Variants in MAPK8 observed in about 807,000 individuals in gnomAD.
MAPK8 encodes the protein JUN N-terminal kinase.
Under a neutral mutation model 52.9 loss-of-function variants are expected in MAPK8, and 13 were observed. The ratio of observed to expected loss-of-function variants is 0.25; its 90% CI spans 0.16 to 0.39. The LOEUF (loss-of-function observed/expected upper bound fraction) is 0.39, where lower values mean the gene tolerates loss of function less well. Ranked by LOEUF, MAPK8 falls within the 10% of genes least tolerant of loss-of-function variation. The probability of loss-of-function intolerance (pLI) is 1.00; values close to 1 mark genes in which losing one functional copy is unlikely to be tolerated. For synonymous variants in MAPK8, 191 were observed against 169.8 expected (o/e 1.12, Z -0.97); for missense variants, 300 against 519.2 (o/e 0.58, Z 4.10).
rs73293173 is a variant in MAPK8, at chr10:48,325,330, C to T, written c.-50+18509C>T. Among the ~76,000 whole-genome samples, 455 of 152,276 alleles carry T rather than the reference C, an allele frequency of 3.0e-3. 4 individuals carry two copies. The highest frequency in any genetic ancestry group is 0.011 in the African/African-American group (443 of 41,550). The stretch of plus-strand genomic sequence containing the variant: ...CAACTGGGATTGAACTACAGTTCTT[C>T]CTAACAAGATGAGATAAATGTTTAT... On this transcript the variant is annotated intron_variant, in intron 1 of 11. Transcript: ENST00000374189.
At chr10:48,422,678 A>G (rs1308221089) in intron 6 of MAPK8, among the ~76,000 whole-genome samples, 1 of 152,184 alleles carries the variant, frequency 6.6e-6, no homozygotes, top group Non-Finnish European at 1.5e-5. Flanking sequence ...AACCTTAGAA[A>G]AAATTTTTCT....
intron 1 of MAPK8, among the ~76,000 whole-genome samples, chr10:48,352,686 C>T (rs976655645): frequency 2.0e-5 from 3 of 152,080 alleles, no homozygotes; most frequent in Non-Finnish European, 4.4e-5. Flanking sequence ...GAATGCTTTC[C>T]CCTTATGATT....
chr10:48,365,074 C>G (rs1290814888), intron 1 of MAPK8, among the ~76,000 whole-genome samples: 2 of 151,996 alleles, frequency 1.3e-5, no homozygotes, highest in Non-Finnish European at 2.9e-5. Context: ...ACATTATTTA[C>G]AATATTATAA....
intron 1 of MAPK8, among the ~76,000 whole-genome samples, chr10:48,327,972 C>T (rs950411882): frequency 1.3e-5 from 2 of 152,000 alleles, no homozygotes; most frequent in Non-Finnish European, 2.9e-5. Context: ...TAATGATGAC[C>T]CCTCTTCCAT....
intron 1 of MAPK8, among the ~76,000 whole-genome samples, chr10:48,361,795 C>G (rs1291198258): frequency 6.6e-6 from 1 of 152,150 alleles, no homozygotes; most frequent in African/African-American, 2.4e-5. Flanking sequence ...TAGTCTGCAT[C>G]TTTCTTCTTA....
intron 1 of MAPK8, among the ~76,000 whole-genome samples, chr10:48,322,424 T>C (rs912963507): frequency 6.6e-6 from 1 of 152,228 alleles, no homozygotes; most frequent in Non-Finnish European, 1.5e-5. Flanking sequence ...TGATGCTATC[T>C]CCTTCTAGAG....
chr10:48,354,113 C>T (rs1819708463), intron 1 of MAPK8, among the ~76,000 whole-genome samples: 3 of 152,034 alleles, frequency 2.0e-5, no homozygotes, highest in Non-Finnish European at 4.4e-5. Flanking sequence ...ACCTCTTTTG[C>T]TATCTTTGGA....
chr10:48,319,500 A>AT (rs1434658251), intron 1 of MAPK8, among the ~76,000 whole-genome samples: 1 of 151,390 alleles, frequency 6.6e-6, no homozygotes, highest in Non-Finnish European at 1.5e-5. Context: ...TCTCTTTTTT[A>AT]TTTTTTTGAG....
At chr10:48,347,571 C>T (rs994361369) in intron 1 of MAPK8, among the ~76,000 whole-genome samples, 2 of 152,106 alleles carry the variant, frequency 1.3e-5, no homozygotes, top group African/African-American at 2.4e-5. Context: ...CAACAGGCCC[C>T]GGTGTGTGAT....
chr10:48,383,298 C>T (rs189746666), intron 1 of MAPK8, among the ~76,000 whole-genome samples: 1 of 152,206 alleles, frequency 6.6e-6, no homozygotes, highest in Admixed American at 6.5e-5. Flanking sequence ...TGCAAATCCA[C>T]ATTTTTGCTT....
intron 1 of MAPK8, among the ~76,000 whole-genome samples, chr10:48,398,839 A>T (rs2042016444): frequency 1.3e-5 from 2 of 152,146 alleles, no homozygotes; most frequent in South Asian, 4.1e-4. Flanking sequence ...GGTTGCTAGG[A>T]GTTGGGGGGC....
At chr10:48,335,958 A>G (rs998549272) in intron 1 of MAPK8, among the ~76,000 whole-genome samples, 6 of 152,190 alleles carry the variant, frequency 3.9e-5, no homozygotes, top group Non-Finnish European at 8.8e-5. Flanking sequence ...AACATCATGT[A>G]TTAGTCATTT....
At chr10:48,359,372 A>G (rs778196597) in intron 1 of MAPK8, among the ~76,000 whole-genome samples, 1 of 152,044 alleles carries the variant, frequency 6.6e-6, no homozygotes, top group Non-Finnish European at 1.5e-5. Flanking sequence ...ATTCGGATAC[A>G]TTTAGTTTTG....
chr10:48,421,083 G>T (rs920159347), intron 6 of MAPK8, among the ~76,000 whole-genome samples: 1 of 152,174 alleles, frequency 6.6e-6, no homozygotes, highest in Non-Finnish European at 1.5e-5. Context: ...TTTAAAAAAT[G>T]TGGTGACTTC....
chr10:48,324,008 A>T (rs1408846996), intron 1 of MAPK8, among the ~76,000 whole-genome samples: 1 of 152,196 alleles, frequency 6.6e-6, no homozygotes, highest in African/African-American at 2.4e-5. Context: ...TTTTAAAGTG[A>T]CTTCATTCTC....
chr10:48,400,323 T>C (rs2042097239), intron 1 of MAPK8, among the ~76,000 whole-genome samples: 2 of 152,218 alleles, frequency 1.3e-5, no homozygotes, highest in African/African-American at 4.8e-5. Flanking sequence ...TCCTCATTTG[T>C]TTCTAGTTTA....
intron 5 of MAPK8, among the ~76,000 whole-genome samples, chr10:48,412,041 T>C (rs2042783510): frequency 6.6e-6 from 1 of 152,214 alleles, no homozygotes; most frequent in African/African-American, 2.4e-5. Flanking sequence ...AGACAGAGTT[T>C]CACCATGTTG....
intron 1 of MAPK8, among the ~76,000 whole-genome samples, chr10:48,391,398 C>T (rs550221215): frequency 6.6e-6 from 1 of 152,266 alleles, no homozygotes; most frequent in African/African-American, 2.4e-5. Context: ...AATGAGTCAT[C>T]AGAAACCATG....
chr10:48,433,027 C>T (rs1415686104), intron 11 of MAPK8, among the ~76,000 whole-genome samples: 1 of 152,140 alleles, frequency 6.6e-6, no homozygotes, highest in Non-Finnish European at 1.5e-5. Flanking sequence ...TGTCGAGTGC[C>T]TTCCTATCTT....
Sources: allele counts gnomAD v4.1 joint callset (sites outside exome capture counted in the v4.1 genomes callset), GRCh38; gene constraint gnomAD v4.1.1; transcripts MANE v1.5; gene names NCBI Gene and HGNC (gene_info 2026-07-23, HGNC 2026-07-21).